The following TRHDE variants were observed in gnomAD, a reference collection of about 807,000 sequenced individuals.
TRHDE encodes the protein thyrotropin releasing hormone degrading enzyme.
Under a neutral mutation model 125.7 loss-of-function variants are expected in TRHDE, and 72 were observed. The observed-to-expected ratio is 0.57, with a 90% CI of 0.47 to 0.70. TRHDE has a LOEUF of 0.70. TRHDE is among the 30% of genes least tolerant of loss of function. The pLI is 0.00. For missense variants in TRHDE, 1,110 were observed against 1,327.1 expected (o/e 0.84, Z 2.54); for synonymous variants, 509 against 509.1 (o/e 1.00, Z 0.00).
In TRHDE at chr12:72,514,206, C is replaced by A. The variant is rs921393062; in HGVS notation, c.1722+14571C>A. ...CACAGATAAATCTCAAGGAAAAAAA[C>A]CAATTTACAGTCAAAAATCACCAGT... On this transcript the variant is annotated intron_variant, in intron 6 of 18. Coordinates refer to ENST00000261180, the MANE Select transcript of TRHDE (RefSeq NM_013381.3). 2.0e-5 allele frequency among the ~76,000 whole-genome samples: 3 copies of A among 152,108 alleles called. No homozygotes were observed. In the South Asian group the frequency reaches 6.2e-4, roughly 32 times the overall value.
chr12:72,422,088 A>G (rs969234155), intron 3 of TRHDE, among the ~76,000 whole-genome samples: 4 of 152,212 alleles, frequency 2.6e-5, no homozygotes, highest in South Asian at 4.1e-4. Flanking sequence ...AATGGTTTAA[A>G]ATGTTCTGGG....
rs147521449 is a variant in TRHDE, at chr12:72,295,586, T to G, written c.1188+8632T>G. Among the ~76,000 whole-genome samples, 177 of 152,306 alleles carry G rather than the reference T, an allele frequency of 1.2e-3. No homozygotes were observed. The Middle Eastern group carries it at 0.014, about 12-fold the overall frequency. Reference sequence around the variant, plus strand: ...ACACAATTTACAATGGTGGTATGTATATATGTATACCCACATCCAGGAAAG... The same window carrying G: ...ACACAATTTACAATGGTGGTATGTAGATATGTATACCCACATCCAGGAAAG... On this transcript the variant is annotated intron_variant, in intron 2 of 18. Transcript: ENST00000261180.
At chr12:72,516,129 TC>T (rs1363382036) in intron 6 of TRHDE, among the ~76,000 whole-genome samples, 3 of 151,658 alleles carry the variant, frequency 2.0e-5, no homozygotes, top group Non-Finnish European at 4.4e-5. Context: ...CGATGCGGGC[TC>T]TTTTTTGGTT....
intron 2 of TRHDE, among the ~76,000 whole-genome samples, chr12:72,344,817 A>G (rs1490183398): frequency 7.9e-5 from 12 of 152,078 alleles, no homozygotes; most frequent in Non-Finnish European, 1.5e-5. Context: ...ATCATGAGGA[A>G]CACTCTTCTT....
intron 12 of TRHDE, among the ~76,000 whole-genome samples, chr12:72,575,761 T>C (rs2136028521): frequency 6.6e-6 from 1 of 152,236 alleles, no homozygotes; most frequent in South Asian, 2.1e-4. Context: ...TTGATGAATT[T>C]CACCACAAGG....
At chr12:72,424,069 G>T (rs1233774885) in intron 3 of TRHDE, among the ~76,000 whole-genome samples, 1 of 152,166 alleles carries the variant, frequency 6.6e-6, no homozygotes, top group African/African-American at 2.4e-5. Flanking sequence ...TTATTTGAAA[G>T]AAACTGGGTA....
At chr12:72,228,555 G>T (rs1878183390) in intron 2 of TRHDE, among the ~76,000 whole-genome samples, 1 of 152,106 alleles carries the variant, frequency 6.6e-6, no homozygotes, top group African/African-American at 2.4e-5. Context: ...TTTCCCCATT[G>T]TCTTTACTTA....
chr12:72,217,987 G>A (rs1293637895), intron 2 of TRHDE, among the ~76,000 whole-genome samples: 1 of 151,990 alleles, frequency 6.6e-6, no homozygotes, highest in Non-Finnish European at 1.5e-5. Context: ...GATGATGTAG[G>A]TCACTTCATG....
intron 15 of TRHDE, among the ~76,000 whole-genome samples, chr12:72,640,197 A>T (rs1015732416): frequency 1.3e-5 from 2 of 152,232 alleles, no homozygotes; most frequent in Non-Finnish European, 2.9e-5. Context: ...TGCGGGACAC[A>T]ATCTCCTGGT....
At chr12:72,380,936 G>T (rs138120284) in intron 3 of TRHDE, among the ~76,000 whole-genome samples, 2 of 149,922 alleles carry the variant, frequency 1.3e-5, no homozygotes, top group Non-Finnish European at 3.0e-5. Context: ...GAAATCTATG[G>T]GTCCATTTTA....
chr12:72,638,208 T>C (rs1368994711), intron 15 of TRHDE, among the ~76,000 whole-genome samples: 1 of 148,416 alleles, frequency 6.7e-6, no homozygotes. Context: ...TGCATATATA[T>C]TTAGGATAGT....
intron 3 of TRHDE, among the ~76,000 whole-genome samples, chr12:72,408,495 A>G (rs1468007034): frequency 6.6e-6 from 1 of 152,214 alleles, no homozygotes; most frequent in Non-Finnish European, 1.5e-5. Context: ...AAAATGACTA[A>G]TGGGCACTCA....
intron 3 of TRHDE, among the ~76,000 whole-genome samples, chr12:72,400,665 A>G (rs1187391575): frequency 6.6e-6 from 1 of 152,172 alleles, no homozygotes; most frequent in Non-Finnish European, 1.5e-5. Flanking sequence ...TTTTAAATAA[A>G]CCATGTTAGA....
At chr12:72,185,727 C>G (rs1877193674) in intron 2 of TRHDE, among the ~76,000 whole-genome samples, 1 of 151,564 alleles carries the variant, frequency 6.6e-6, no homozygotes, top group South Asian at 2.1e-4. Context: ...CTGTATCTAG[C>G]TGCTCTGGTA....
At chr12:72,387,989 C>T (rs569224525) in intron 3 of TRHDE, among the ~76,000 whole-genome samples, 50 of 152,030 alleles carry the variant, frequency 3.3e-4, no homozygotes, top group Non-Finnish European at 6.5e-4. Flanking sequence ...TGATTCTTTC[C>T]TTGGCTTGCA....
chr12:72,588,399 T>C (rs530622152), intron 12 of TRHDE, among the ~76,000 whole-genome samples: 1 of 152,298 alleles, frequency 6.6e-6, no homozygotes. Context: ...GAGCATGTGC[T>C]TGGCATGTTT....
chr12:72,252,869 C>G (rs1878716648), intron 2 of TRHDE, among the ~76,000 whole-genome samples: 1 of 151,968 alleles, frequency 6.6e-6, no homozygotes, highest in Non-Finnish European at 1.5e-5. Flanking sequence ...ATTAAGTTGC[C>G]TCATAAAACA....
chr12:72,542,261 TTC>T (rs1215217905), intron 6 of TRHDE, 28 bp from the exon 7 acceptor site: 1 of 1,529,154 alleles, frequency 6.5e-7, no homozygotes, highest in African/African-American at 1.4e-5. Context: ...TTTGTTGAAA[TTC>T]TGTTCTTTTT....
intron 12 of TRHDE, among the ~76,000 whole-genome samples, chr12:72,604,021 G>A (rs1872324947): frequency 6.6e-6 from 1 of 151,920 alleles, no homozygotes; most frequent in South Asian, 2.1e-4. Context: ...GGTGAGTCTT[G>A]AATTTACTTA....
Sources: gnomAD v4.1 joint callset for allele counts (sites outside exome capture counted in the v4.1 genomes callset) on GRCh38, gnomAD v4.1.1 for gene constraint, MANE v1.5 for transcripts, NCBI Gene and HGNC (gene_info 2026-07-23, HGNC 2026-07-21) for gene names.